CYTH1: variants seen among roughly 807,000 people sequenced by gnomAD.
CYTH1 encodes the protein cytohesin 1.
Under a neutral mutation model 61.8 loss-of-function variants are expected in CYTH1, and 18 were observed. That is an observed-to-expected ratio of 0.29 (90% CI 0.20 to 0.43). The LOEUF (loss-of-function observed/expected upper bound fraction) is 0.43, where lower values mean the gene tolerates loss of function less well. Ranked by LOEUF, CYTH1 falls within the 20% of genes least tolerant of loss-of-function variation. The probability of loss-of-function intolerance (pLI) is 1.00; values close to 1 mark genes in which losing one functional copy is unlikely to be tolerated. For missense variants in CYTH1, 336 were observed against 510.5 expected (o/e 0.66, Z 3.29); for synonymous variants, 174 against 184.3 (o/e 0.94, Z 0.45).
chr17:78,781,918 C>T (rs930679838), intron 1 of CYTH1, among the ~76,000 whole-genome samples: 3 of 151,510 alleles, frequency 2.0e-5, no homozygotes, highest in African/African-American at 7.3e-5. Flanking sequence ...CGACCCCTGG[C>T]CCCGCGAGAC....
chr17:78,682,019 T>C (rs1391950471), intron 11 of CYTH1, among the ~76,000 whole-genome samples: 2 of 152,138 alleles, frequency 1.3e-5, no homozygotes, highest in Non-Finnish European at 2.9e-5. Flanking sequence ...TTTTGACTGC[T>C]TGATTTTAGA....
In CYTH1 at chr17:78,746,102, C is replaced by T. The variant is rs74001226; in HGVS notation, c.22+36100G>A. On this transcript the variant is annotated intron_variant, in intron 1 of 13. Coordinates refer to ENST00000446868, the MANE Select transcript of CYTH1 (RefSeq NM_004762.6). ...ATAGTGATAATAGGCTTCTACTATACAGGCAGACATAGGCAAAAAACTATA... is the reference window on the plus strand; with the variant it reads ...ATAGTGATAATAGGCTTCTACTATATAGGCAGACATAGGCAAAAAACTATA... Among the ~76,000 whole-genome samples the T allele has an allele frequency of 7.8e-3, 1,194 of 152,180 alleles. 14 individuals carry two copies. The highest frequency in any genetic ancestry group is 0.028 in the African/African-American group (1,149 of 41,506).
At chr17:78,766,177 C>T (rs974631021) in intron 1 of CYTH1, among the ~76,000 whole-genome samples, 1 of 150,790 alleles carries the variant, frequency 6.6e-6, no homozygotes, top group Non-Finnish European at 1.5e-5. Context: ...ACTCTGGGAG[C>T]TGCTCTGTAA....
At chr17:78,715,604 A>G (rs2093174117) in intron 1 of CYTH1, among the ~76,000 whole-genome samples, 1 of 152,236 alleles carries the variant, frequency 6.6e-6, no homozygotes, top group Non-Finnish European at 1.5e-5. Context: ...TGATACCAAC[A>G]GGCATCATTC....
At chr17:78,721,223 G>C (rs2093225772) in intron 1 of CYTH1, among the ~76,000 whole-genome samples, 1 of 152,156 alleles carries the variant, frequency 6.6e-6, no homozygotes, top group African/African-American at 2.4e-5. Flanking sequence ...CCAGCTACTT[G>C]GGAGGCTGGG....
rs758750149 is a variant in CYTH1, at chr17:78,768,366, C to T, written c.22+13836G>A. 7.2e-5 allele frequency among the ~76,000 whole-genome samples: 11 copies of T among 152,152 alleles called. No individual in the cohort carries two copies. The South Asian group carries it at 1.0e-3, about 14-fold the overall frequency. On this transcript the variant is annotated intron_variant, in intron 1 of 13. Coordinates refer to ENST00000446868, the MANE Select transcript of CYTH1 (RefSeq NM_004762.6). The stretch of plus-strand genomic sequence containing the variant: ...TCCCTGGGTTCCACTCCCACTCCTG[C>T]GTTGATCATCTCTGGAGTTGCAGGT...
intron 1 of CYTH1, among the ~76,000 whole-genome samples, chr17:78,738,144 G>A (rs1440502525): frequency 1.3e-5 from 2 of 152,080 alleles, no homozygotes; most frequent in Non-Finnish European, 2.9e-5. Flanking sequence ...TAGAACTGCT[G>A]GATCCAGACA....
intron 1 of CYTH1, among the ~76,000 whole-genome samples, chr17:78,724,489 G>A (rs1427296698): frequency 6.6e-6 from 1 of 152,216 alleles, no homozygotes; most frequent in South Asian, 2.1e-4. Flanking sequence ...GGGCTTCCCT[G>A]TGCCTTGCAG....
intron 10 of CYTH1, among the ~76,000 whole-genome samples, chr17:78,694,158 G>A (rs932945202): frequency 6.6e-6 from 1 of 152,228 alleles, no homozygotes; most frequent in Non-Finnish European, 1.5e-5. Context: ...ACAAGTAAAA[G>A]GACCACTGGA....
rs1198289422 is a variant in CYTH1 at position 78,690,567 on chromosome 17, A to T, written c.891+1850T>A. ...CAAAAAAAAACGGATGTGGTGGCGC[A>T]CGCCTCTAGTCCCAGCTACTCAGGA... is the stretch of plus-strand genomic sequence containing the variant. On this transcript the variant is annotated intron_variant, in intron 11 of 13. Coordinates refer to ENST00000446868, the MANE Select transcript of CYTH1 (RefSeq NM_004762.6). 2.0e-5 allele frequency among the ~76,000 whole-genome samples: 3 copies of T among 151,490 alleles called. No individual in the cohort carries two copies. In the East Asian group the frequency reaches 5.9e-4, roughly 30 times the overall value.
rs2093521937 is a variant in CYTH1, at chr17:78,782,201, C to A, written c.22+1G>T. On this transcript the variant is annotated splice_donor_variant, in intron 1 of 13. Coordinates refer to ENST00000446868, the MANE Select transcript of CYTH1 (RefSeq NM_004762.6). LOFTEE classifies it high-confidence loss of function. ...AGCGTCCGCCGCCGGGGCGCACTGA[C>A]CGTAGCTGTCGTCCTCCTCCATGGT... The A allele has an allele frequency of 2.9e-6, 4 of 1,371,076 alleles. No individual in the cohort carries two copies. The highest frequency in any genetic ancestry group is 2.9e-6 in the Non-Finnish European group (3 of 1,047,356). The allele number at this position is 1,371,076 out of a possible 1,614,324, so 84.9% of individuals were successfully genotyped here.
intron 1 of CYTH1, 146 bp from the exon 2 acceptor site, chr17:78,709,878 C>T (rs2093110032): frequency 4.5e-6 from 3 of 666,544 alleles, no homozygotes; most frequent in East Asian, 2.7e-5. Context: ...ATAGTTATGG[C>T]TCCAATTCTT....
chr17:78,708,733 C>G (rs1247887625), intron 2 of CYTH1, among the ~76,000 whole-genome samples: 1 of 152,228 alleles, frequency 6.6e-6, no homozygotes, highest in Non-Finnish European at 1.5e-5. Context: ...CTGATCAAAT[C>G]GGCTGTGCAT....
chr17:78,702,425 C>G, intron 4 of CYTH1, 113 bp downstream of exon 4: 1 of 1,235,710 alleles, frequency 8.1e-7, no homozygotes, highest in African/African-American at 1.5e-5. Context: ...ATTTGCTCTA[C>G]AAAACGGCAA....
rs1041546740 is a variant in CYTH1, at chr17:78,717,717, G to A, written c.23-7985C>T. Among the ~76,000 whole-genome samples, 5 of 152,064 alleles carry A rather than the reference G, an allele frequency of 3.3e-5. No individual in the cohort carries two copies. Among genetic ancestry groups the A allele is most frequent in the East Asian group, 1.9e-4 (1 of 5,178 alleles). Reference sequence around the variant, plus strand: ...CCGGGGATATGCCATAAAGTTCCACGGAAAACGCAGCTCTCTGACAGCAGG... The same window carrying A: ...CCGGGGATATGCCATAAAGTTCCACAGAAAACGCAGCTCTCTGACAGCAGG... On this transcript the variant is annotated intron_variant, in intron 1 of 13. Coordinates refer to ENST00000446868, the MANE Select transcript of CYTH1 (RefSeq NM_004762.6). This position sits in a 1 kb window ranked among gnomAD's most constrained non-coding sequence, Gnocchi z 4.4.
chr17:78,712,863 G>A (rs1381101227), intron 1 of CYTH1, among the ~76,000 whole-genome samples: 2 of 151,744 alleles, frequency 1.3e-5, no homozygotes, highest in African/African-American at 4.8e-5. Flanking sequence ...CTTAAACTGC[G>A]TCCCTGAGAA....
intron 13 of CYTH1, chr17:78,676,611 T>G (rs1028438954): frequency 4.7e-5 from 13 of 276,200 alleles, no homozygotes; most frequent in Non-Finnish European, 9.2e-5. Flanking sequence ...GGTAATGCAG[T>G]GGGGCCTTCC....
chr17:78,695,230 G>A (rs2092926570), intron 10 of CYTH1, among the ~76,000 whole-genome samples: 1 of 152,190 alleles, frequency 6.6e-6, no homozygotes, highest in African/African-American at 2.4e-5. Flanking sequence ...ACCATAACCA[G>A]GAGACCGATT....
chr17:78,676,449 C>G (rs895164494), intron 13 of CYTH1: 2 of 452,596 alleles, frequency 4.4e-6, no homozygotes, highest in Non-Finnish European at 7.9e-6. Context: ...CAGAATCATA[C>G]CACATTCTTA....
Sources: allele counts gnomAD v4.1 joint callset (sites outside exome capture counted in the v4.1 genomes callset), GRCh38; gene constraint gnomAD v4.1.1; non-coding constraint Gnocchi (gnomAD v3.1); transcripts MANE v1.5; gene names NCBI Gene and HGNC (gene_info 2026-07-23, HGNC 2026-07-21).